The following NOS3 variants were observed in gnomAD, a reference collection of about 807,000 sequenced individuals.
NOS3 encodes the protein nitric oxide synthase 3, also known as NOS type III.
Under a neutral mutation model 144.9 loss-of-function variants are expected in NOS3, and 98 were observed. The observed-to-expected ratio is 0.68, with a 90% confidence interval of 0.57 to 0.80. The LOEUF is 0.80. Ranked by LOEUF, NOS3 falls within the 30% of genes least tolerant of loss-of-function variation. NOS3 has a pLI of 0.00. For synonymous variants in NOS3, 714 were observed against 702.4 expected (o/e 1.02, Z -0.26); for missense variants, 1,465 against 1,656.4 (o/e 0.88, Z 2.01).
At chr7:150,991,417 C>G (rs1802253175) in intron 1 of NOS3, 117 bp downstream of exon 1, 1 of 152,898 alleles carries the variant, frequency 6.5e-6, no homozygotes, top group African/African-American at 2.4e-5. Context: ...GTGGAGGGAA[C>G]AGCACAGCAG....
rs781484225 is a variant in NOS3 at position 151,010,588 on chromosome 7, C to T, written c.2686-9C>T. On this transcript the variant is annotated splice_polypyrimidine_tract_variant and intron_variant, in intron 21 of 26. Coordinates refer to ENST00000297494, the MANE Select transcript of NOS3 (RefSeq NM_000603.5). The stretch of plus-strand genomic sequence containing the variant: ...GGGGCCTCCAACCCACTGCATCCTG[C>T]CCCGCCAGGATCCCCGACGCTACGA... The T allele has an allele frequency of 8.3e-6, 13 of 1,566,324 alleles. No individual in the cohort carries two copies. The highest frequency in any genetic ancestry group is 1.1e-5 in the Non-Finnish European group (13 of 1,155,064).
chr7:150,993,727 C>G lies in NOS3; in HGVS notation c.-51-26C>G. ...GAGAGCCCCCTCCCACTGCCCCCTC[C>G]TCTCGGTCCCCTCCCTCTTCCTAAG... On this transcript the variant is annotated intron_variant, in intron 1 of 26. Transcript: ENST00000297494. This position sits in a 1 kb window ranked among gnomAD's most constrained non-coding sequence, Gnocchi z 4.0. 1 of 1,474,432 alleles carries G rather than the reference C, an allele frequency of 6.8e-7. No individual in the cohort carries two copies. Among genetic ancestry groups the G allele is most frequent in the Non-Finnish European group, 9.1e-7 (1 of 1,097,178 alleles). The allele number at this position is 1,474,432 out of a possible 1,614,324, so 91.3% of individuals were successfully genotyped here. A position where few individuals can be genotyped will look rare whatever the true frequency, so the allele number is the denominator to read the frequency against.
chr7:151,012,220 T>G, intron 23 of NOS3, 131 bp from the exon 24 acceptor site: 19 of 781,390 alleles, frequency 2.4e-5, no homozygotes, highest in Non-Finnish European at 2.5e-5. Flanking sequence ...TGTTTTTTGT[T>G]TTTTGTTTTT....
At chr7:151,001,457 G>T (rs2117117565) in intron 11 of NOS3, 32 bp downstream of exon 11, 1 of 1,594,654 alleles carries the variant, frequency 6.3e-7, no homozygotes, top group Non-Finnish European at 8.6e-7. Context: ...GCCAGCCTGG[G>T]CCCAGCTCTA....
intron 4 of NOS3, 52 bp from the exon 5 acceptor site, chr7:150,996,711 C>T: frequency 1.3e-6 from 2 of 1,586,134 alleles, no homozygotes; most frequent in East Asian, 4.5e-5. Flanking sequence ...GGAGGGCCTC[C>T]CTGTCCCACA....
rs1563237031 is a variant in NOS3 at position 151,013,788 on chromosome 7, A to G, written c.3320A>G (p.Glu1107Gly). The G allele has an allele frequency of 1.9e-6, 3 of 1,611,406 alleles. No individual in the cohort carries two copies. In the Admixed American group the frequency reaches 5.0e-5, roughly 27 times the overall value. ...AAEVHRVLCL[E>G]RGHMFVCGDV... is the part of the protein sequence containing the mutation. Reference sequence around the variant, plus strand: ...GAGGTGCACCGCGTGCTGTGCCTCGAGCGGGGCCACATGTTTGTCTGCGGC... The same window carrying G: ...GAGGTGCACCGCGTGCTGTGCCTCGGGCGGGGCCACATGTTTGTCTGCGGC... The change falls in exon 26 of 27, where the codon GAG becomes GGG. Residue 1107 changes from glutamate (E) to glycine (G), a missense_variant. Around this residue, in one of 5 missense-constraint regions of NOS3, gnomAD observed 228 missense variants for 227.7 expected, o/e 1.00. Coordinates refer to ENST00000297494, the MANE Select transcript of NOS3 (RefSeq NM_000603.5).
At chr7:150,999,885 G>A (rs111219798) in intron 9 of NOS3, among the ~76,000 whole-genome samples, 1 of 123,262 alleles carries the variant, frequency 8.1e-6, no homozygotes, top group Non-Finnish European at 1.8e-5. Context: ...GGGTTTGTGG[G>A]GTGTGTAGGG....
At position 151,003,687 on chromosome 7, in the gene NOS3, A is replaced by G. The variant is rs376072719; in HGVS notation, c.1752+1383A>G. 2.0e-5 allele frequency: 12 copies of G among 611,120 alleles called. No homozygotes were observed. The highest frequency in any genetic ancestry group is 2.8e-5 in the Non-Finnish European group (10 of 354,838). 37.9% of individuals were successfully genotyped at this position (611,120 alleles called of 1,614,324 possible). The stretch of plus-strand genomic sequence containing the variant: ...CTCCCTGCCAGAAGTGTCTGTCACC[A>G]CAGAATAGTTTCGCCTGCTCTAGAA... On this transcript the variant is annotated intron_variant, in intron 14 of 26. Transcript: ENST00000297494. The surrounding 1 kb of genome is among the most constrained non-coding windows in gnomAD (Gnocchi z 4.1).
Position 151,012,488 on chromosome 7 carries a change from A to C in NOS3, c.3106+16A>C, listed in dbSNP as rs1330404219. 2.5e-6 allele frequency: 4 copies of C among 1,609,690 alleles called. No homozygotes were observed. Among genetic ancestry groups the C allele is most frequent in the Non-Finnish European group, 2.5e-6 (3 of 1,177,398 alleles). The stretch of plus-strand genomic sequence containing the variant: ...GAGAGCAAAGGTGAGGCTGGGGACT[A>C]AAGGACTGCCTGAAGGGAGTCACAC... On this transcript the variant is annotated intron_variant, in intron 24 of 26. Coordinates refer to ENST00000297494, the MANE Select transcript of NOS3 (RefSeq NM_000603.5).
rs971095296 is a variant in NOS3, at chr7:150,996,404, G to A, written c.271G>A (p.Asp91Asn). 43 of 1,378,652 alleles carry A rather than the reference G, an allele frequency of 3.1e-5. No homozygotes were observed. Among genetic ancestry groups the A allele is most frequent in the Non-Finnish European group, 3.5e-5 (37 of 1,050,228 alleles). 85.4% of individuals were successfully genotyped at this position (1,378,652 alleles called of 1,614,324 possible). A position where few individuals can be genotyped will look rare whatever the true frequency, so the allele number is the denominator to read the frequency against. The stretch of plus-strand genomic sequence containing the variant: ...TGACCTTTGCACTCCCTCGACCCAG[G>A]ATGGGCCCTGCACCCCAAGACGCTG... ...YDTLSAQAQQ[D>N]GPCTPRRCLG... The change falls in exon 4 of 27, where the codon GAT (aspartate) becomes AAT (asparagine). Residue 91 changes from aspartate to asparagine, a missense_variant and splice_region_variant. Physicochemically the swap from Asp to Asn is conservative, Grantham distance 23. Transcript: ENST00000297494.
In NOS3 at chr7:150,995,203, C is replaced by G. The variant is rs756506565; in HGVS notation, c.159C>G (p.Ser53Arg). 3 of 1,576,124 alleles carry G rather than the reference C, an allele frequency of 1.9e-6. No homozygotes were observed. In the South Asian group the frequency reaches 3.3e-5, roughly 18 times the overall value. The stretch of plus-strand genomic sequence containing the variant: ...TGACCCTATCCCTGGCTCCCAACAG[C>G]CCCCCGAGCTCCCCGCTAACCCAGC... ...ASLLPPAPEHSPPSSPLTQPP... is the reference protein window; with the variant it reads ...ASLLPPAPEHRPPSSPLTQPP... The change falls in exon 3 of 27, where the codon AGC becomes AGG. Residue 53 changes from serine to arginine, a missense_variant and splice_region_variant. Ser to Arg is a moderately radical substitution (Grantham distance 110). Transcript: ENST00000297494.
rs758763838 is a variant in NOS3, at chr7:151,009,279, G to C, written c.2324+12G>C. 1 of 1,608,026 alleles carries C rather than the reference G, an allele frequency of 6.2e-7. No homozygotes were observed. Among genetic ancestry groups the C allele is most frequent in the Non-Finnish European group, 8.5e-7 (1 of 1,176,344 alleles). On this transcript the variant is annotated intron_variant, in intron 19 of 26. Transcript: ENST00000297494. ...AGCAGCAAGTCCACGTGAGGACGAC[G>C]GCTTTACCGCCCCCCCACCCCTGTC... is the stretch of plus-strand genomic sequence containing the variant.
chr7:151,013,104 A>C (rs1294410575), intron 24 of NOS3, 127 bp from the exon 25 acceptor site: 5 of 995,066 alleles, frequency 5.0e-6, no homozygotes, highest in Non-Finnish European at 7.5e-6. Flanking sequence ...GAGATGAAAC[A>C]GCCAAAGTAA....
rs992888944 is a variant in NOS3, at chr7:150,999,372, G to A, written c.1131+8G>A. On this transcript the variant is annotated splice_region_variant and intron_variant, in intron 9 of 26. Coordinates refer to ENST00000297494, the MANE Select transcript of NOS3 (RefSeq NM_000603.5). ...CGCTACAACATCCTGGAGGTGAGGT[G>A]CGGGATGGGGCTCGGGCACCGAATG... The A allele has an allele frequency of 6.4e-7, 1 of 1,556,490 alleles. No individual in the cohort carries two copies. Among genetic ancestry groups the A allele is most frequent in the East Asian group, 2.3e-5 (1 of 44,198 alleles).
At chr7:151,012,680 A>G in intron 24 of NOS3, 1 of 553,064 alleles carries the variant, frequency 1.8e-6, no homozygotes, top group South Asian at 2.4e-5. Context: ...GGTACATAGT[A>G]GGTGTTGACT....
At chr7:151,012,876 G>C (rs1247085466) in intron 24 of NOS3, 6 of 348,894 alleles carry the variant, frequency 1.7e-5, no homozygotes, top group Non-Finnish European at 3.1e-5. Flanking sequence ...AAAGAAGAGG[G>C]CTGTGACTGG....
In NOS3 at chr7:151,006,937, G is replaced by A; in HGVS notation, c.1869G>A (p.Val623=). Residue 623 remains valine, a synonymous_variant, in exon 16 of 27, where the codon GTG becomes GTA. Transcript: ENST00000297494. ...GCATCTCCTGCTCAGACCCACTGGT[G>A]TCCTCTTGGCGGCGGAAGAGGAAGG... The part of the protein sequence containing the change: ...FNSISCSDPL[V]SSWRRKRKES... 6.2e-7 allele frequency: 1 copy of A among 1,614,178 alleles called. No homozygotes were observed. The highest frequency in any genetic ancestry group is 8.5e-7 in the Non-Finnish European group (1 of 1,180,024).
Position 150,998,932 on chromosome 7 carries a change from C to A in NOS3, c.817-14C>A. 6.2e-7 allele frequency: 1 copy of A among 1,605,886 alleles called. No homozygotes were observed. ...GGCTCAGCCCCAGAACCCCCTCTGG[C>A]CCACTCCCCACAGCTCTGCATTCAG... On this transcript the variant is annotated splice_polypyrimidine_tract_variant and intron_variant, in intron 7 of 26. Transcript: ENST00000297494. The surrounding 1 kb of genome is among the most constrained non-coding windows in gnomAD (Gnocchi z 5.0).
At chr7:151,001,089 T>G in intron 10 of NOS3, 142 bp from the exon 11 acceptor site, 1 of 766,006 alleles carries the variant, frequency 1.3e-6, no homozygotes, top group Non-Finnish European at 2.2e-6. Flanking sequence ...GAGGGTGACA[T>G]TGTGGTTTGA....
Sources: gnomAD v4.1 joint callset for allele counts (sites outside exome capture counted in the v4.1 genomes callset) on GRCh38, gnomAD v4.1.1 for gene constraint, gnomAD v4.1.1 regional missense constraint, Gnocchi (gnomAD v3.1) non-coding constraint, MANE v1.5 for transcripts, NCBI Gene and HGNC (gene_info 2026-07-23, HGNC 2026-07-21) for gene names.